The following PRR16 variants were observed in gnomAD, a reference collection of about 807,000 sequenced individuals.
PRR16 encodes protein Largen.
PRR16 carries 6 observed loss-of-function variants against 18.2 expected under a neutral mutation model. The ratio of observed to expected loss-of-function variants is 0.33; its 90% CI spans 0.18 to 0.65. The LOEUF (loss-of-function observed/expected upper bound fraction) is 0.65, where lower values mean the gene tolerates loss of function less well. Ranked by LOEUF, PRR16 falls within the 30% of genes least tolerant of loss-of-function variation. The pLI, the probability that PRR16 is intolerant of heterozygous loss-of-function variation, is 0.74. For synonymous variants in PRR16, 151 were observed against 147.8 expected, an observed-to-expected ratio of 1.02 and a Z score of -0.16; for missense variants, 412 against 376.6, an observed-to-expected ratio of 1.09 and a Z score of -0.78.
chr5:120,551,501 C>G (rs1752253614), intron 1 of PRR16, among the ~76,000 whole-genome samples: 1 of 151,814 alleles, frequency 6.6e-6, no homozygotes, highest in South Asian at 2.1e-4. Flanking sequence ...TTGTTGTTCT[C>G]TTAGCATAGG....
At chr5:120,619,864 A>G (rs968139200) in intron 1 of PRR16, among the ~76,000 whole-genome samples, 2 of 152,162 alleles carry the variant, frequency 1.3e-5, no homozygotes, top group African/African-American at 2.4e-5. Context: ...TACCCATGAT[A>G]TGTTCACAGT....
At chr5:120,676,550 G>A (rs1043092315) in intron 1 of PRR16, among the ~76,000 whole-genome samples, 13 of 150,966 alleles carry the variant, frequency 8.6e-5, no homozygotes, top group East Asian at 7.8e-4. Flanking sequence ...GTGTGTGTGC[G>A]TGTGTATATA....
chr5:120,740,186 C>G, the PRR16 span, among the ~76,000 whole-genome samples: 2 of 152,136 alleles, frequency 1.3e-5, no homozygotes, highest in Non-Finnish European at 2.9e-5. Context: ...TGCACATAAG[C>G]AGAAATGGTG....
chr5:120,686,717 C>A lies in PRR16; in HGVS notation c.*8C>A. ...ACCACTACAACCGTGTGATGTATGC[C>A]ATTAAAAAAATTGTTTTTTTAATTT... On this transcript the variant is annotated 3_prime_UTR_variant, in exon 2 of 2. Transcript: ENST00000407149. 1 of 1,448,494 alleles carries A rather than the reference C, an allele frequency of 6.9e-7. No individual in the cohort carries two copies. The allele number at this position is 1,448,494 out of a possible 1,614,324, so 89.7% of individuals were successfully genotyped here.
chr5:120,654,454 A>T (rs998087884), intron 1 of PRR16, among the ~76,000 whole-genome samples: 1 of 151,808 alleles, frequency 6.6e-6, no homozygotes, highest in African/African-American at 2.4e-5. Context: ...TACTTGACAC[A>T]TAAGAGTTGC....
chr5:120,735,596 G>A, the PRR16 span, among the ~76,000 whole-genome samples: 7 of 152,092 alleles, frequency 4.6e-5, no homozygotes, highest in African/African-American at 1.7e-4. Context: ...TCACATGCTT[G>A]TTGGCCATTT....
intron 1 of PRR16, among the ~76,000 whole-genome samples, chr5:120,486,406 A>C (rs1045168383): frequency 6.0e-5 from 9 of 150,258 alleles, no homozygotes; most frequent in African/African-American, 2.0e-4. Context: ...GCCAGTGATG[A>C]TGAGCATTTT....
chr5:120,509,865 A>G (rs1750764560), intron 1 of PRR16, among the ~76,000 whole-genome samples: 1 of 152,134 alleles, frequency 6.6e-6, no homozygotes, highest in Non-Finnish European at 1.5e-5. Flanking sequence ...AGTAATATTT[A>G]ATTCATAATG....
chr5:120,464,763 C>A (rs747819419), intron 1 of PRR16, 118 bp downstream of exon 1: 99 of 1,066,682 alleles, frequency 9.3e-5, no homozygotes, highest in Non-Finnish European at 1.2e-4. Context: ...ACAGAAAAGG[C>A]GCCTGCAGAC....
chr5:120,712,514 G>T, the PRR16 span, among the ~76,000 whole-genome samples: 2 of 151,834 alleles, frequency 1.3e-5, no homozygotes, highest in Non-Finnish European at 1.5e-5. Flanking sequence ...AAAAAGAAGG[G>T]GAACCTTACA....
intron 1 of PRR16, among the ~76,000 whole-genome samples, chr5:120,631,156 A>T (rs1305394100): frequency 6.6e-6 from 1 of 152,194 alleles, no homozygotes; most frequent in Non-Finnish European, 1.5e-5. Context: ...CCTTATCATT[A>T]TATATCATGA....
At chr5:120,646,385 G>T (rs1308679636) in intron 1 of PRR16, among the ~76,000 whole-genome samples, 1 of 151,880 alleles carries the variant, frequency 6.6e-6, no homozygotes, top group Non-Finnish European at 1.5e-5. Context: ...TGAGTGAATG[G>T]TTTTGGAGAC....
chr5:120,591,172 G>T (rs377589249), intron 1 of PRR16, among the ~76,000 whole-genome samples: 1 of 151,804 alleles, frequency 6.6e-6, no homozygotes, highest in Non-Finnish European at 1.5e-5. Context: ...CCAGCTACTC[G>T]GGAGGCTGAG....
chr5:120,733,033 C>T, the PRR16 span, among the ~76,000 whole-genome samples: 1 of 152,146 alleles, frequency 6.6e-6, no homozygotes, highest in Non-Finnish European at 1.5e-5. Context: ...AGCCTGCAAA[C>T]CTGAGTGGCC....
the PRR16 span, among the ~76,000 whole-genome samples, chr5:120,774,777 T>A: frequency 6.6e-6 from 1 of 152,268 alleles, no homozygotes; most frequent in Non-Finnish European, 1.5e-5. Context: ...TAAGCTAAGG[T>A]CCCTGCAATA....
chr5:120,681,360 T>C (rs1357413059), intron 1 of PRR16, among the ~76,000 whole-genome samples: 2 of 152,176 alleles, frequency 1.3e-5, no homozygotes, highest in Non-Finnish European at 2.9e-5. Context: ...CTTAATAAAG[T>C]TAATCAGTAT....
chr5:120,752,137 A>G, the PRR16 span, among the ~76,000 whole-genome samples: 7 of 152,076 alleles, frequency 4.6e-5, no homozygotes, highest in African/African-American at 1.7e-4. Flanking sequence ...GTTTGTTACT[A>G]TAGGAAGACT....
chr5:120,513,120 A>G (rs1750881747), intron 1 of PRR16, among the ~76,000 whole-genome samples: 1 of 152,150 alleles, frequency 6.6e-6, no homozygotes, highest in South Asian at 2.1e-4. Flanking sequence ...GGGTCAGTCA[A>G]GCTTTCAGCC....
chr5:120,537,667 G>A (rs1298373069), intron 1 of PRR16, among the ~76,000 whole-genome samples: 2 of 150,798 alleles, frequency 1.3e-5, no homozygotes, highest in African/African-American at 4.9e-5. Flanking sequence ...GCTATTAGTG[G>A]AAGTGAAATA....
Sources: gnomAD v4.1 joint callset for allele counts (sites outside exome capture counted in the v4.1 genomes callset) on GRCh38, gnomAD v4.1.1 for gene constraint, MANE v1.5 for transcripts, NCBI Gene and HGNC (gene_info 2026-07-23, HGNC 2026-07-21) for gene names.